KCNH8: variants seen among roughly 807,000 people sequenced by gnomAD.
KCNH8 encodes the protein voltage-gated delayed rectifier potassium channel KCNH8.
Under a neutral mutation model 103.6 loss-of-function variants are expected in KCNH8, and 70 were observed. The observed-to-expected ratio is 0.68, with a 90% CI of 0.56 to 0.82. The LOEUF (loss-of-function observed/expected upper bound fraction) is 0.82, where lower values mean the gene tolerates loss of function less well. Among genes scored for constraint, KCNH8 ranks in the 40% least tolerant of loss-of-function variants. The pLI is 0.00. For missense variants in KCNH8, 1,217 were observed against 1,329.9 expected (o/e 0.92, Z 1.32); for synonymous variants, 498 against 489.4 (o/e 1.02, Z -0.23).
At chr3:19,411,001 C>CT (rs1179521910) in intron 7 of KCNH8, among the ~76,000 whole-genome samples, 2 of 151,916 alleles carry the variant, frequency 1.3e-5, no homozygotes, top group Middle Eastern at 3.2e-3. Flanking sequence ...AAGGGATTCT[C>CT]CCTCACTCAT....
At chr3:19,205,438 A>G (rs1394627462) in intron 1 of KCNH8, among the ~76,000 whole-genome samples, 1 of 152,090 alleles carries the variant, frequency 6.6e-6, no homozygotes, top group Non-Finnish European at 1.5e-5. Context: ...GTCAAACTCT[A>G]CTTAACTATT....
chr3:19,268,426 C>T (rs372981367), intron 2 of KCNH8, among the ~76,000 whole-genome samples: 18 of 151,950 alleles, frequency 1.2e-4, no homozygotes, highest in African/African-American at 3.4e-4. Context: ...ATTTGAGACA[C>T]GGAGAGAAGG....
intron 3 of KCNH8, among the ~76,000 whole-genome samples, chr3:19,327,948 T>G (rs1190327145): frequency 1.3e-5 from 2 of 152,238 alleles, no homozygotes; most frequent in Non-Finnish European, 2.9e-5. Context: ...ATATAGTTTA[T>G]GCCTAGTGAT....
intron 1 of KCNH8, among the ~76,000 whole-genome samples, chr3:19,202,090 G>A (rs1438533086): frequency 6.6e-6 from 1 of 152,144 alleles, no homozygotes; most frequent in Non-Finnish European, 1.5e-5. Flanking sequence ...CGTTGAGTTA[G>A]GAGAGTTGGG....
At chr3:19,353,144 T>G (rs1029340280) in intron 5 of KCNH8, among the ~76,000 whole-genome samples, 1 of 152,128 alleles carries the variant, frequency 6.6e-6, no homozygotes, top group Non-Finnish European at 1.5e-5. Context: ...AAGAAATGGA[T>G]AAATTCCTCG....
chr3:19,237,372 T>G (rs1387139703), intron 1 of KCNH8, among the ~76,000 whole-genome samples: 1 of 152,212 alleles, frequency 6.6e-6, no homozygotes, highest in Non-Finnish European at 1.5e-5. Flanking sequence ...TCAGTCCTCA[T>G]AGAGCCCTTT....
chr3:19,474,148 A>G (rs1276443239), intron 11 of KCNH8, among the ~76,000 whole-genome samples: 1 of 152,180 alleles, frequency 6.6e-6, no homozygotes, highest in African/African-American at 2.4e-5. Flanking sequence ...GATTTAGTGC[A>G]TGGTATGATT....
At chr3:19,172,501 A>C (rs183952862) in intron 1 of KCNH8, among the ~76,000 whole-genome samples, 8 of 152,324 alleles carry the variant, frequency 5.3e-5, no homozygotes. Flanking sequence ...TTGATCACTT[A>C]TATTCAGGAG....
At chr3:19,331,045 C>A (rs553974886) in intron 3 of KCNH8, among the ~76,000 whole-genome samples, 1 of 152,118 alleles carries the variant, frequency 6.6e-6, no homozygotes, top group East Asian at 1.9e-4. Flanking sequence ...TCACTGTAGG[C>A]AGACTATTTC....
At chr3:19,395,627 A>G (rs1665297813) in intron 7 of KCNH8, among the ~76,000 whole-genome samples, 1 of 152,044 alleles carries the variant, frequency 6.6e-6, no homozygotes, top group South Asian at 2.1e-4. Flanking sequence ...ATGCAGGGCT[A>G]GTAATAGTAA....
At chr3:19,184,497 A>G (rs1456037328) in intron 1 of KCNH8, among the ~76,000 whole-genome samples, 1 of 152,022 alleles carries the variant, frequency 6.6e-6, no homozygotes, top group Non-Finnish European at 1.5e-5. Context: ...AAATATAAAG[A>G]AAAACTGAAA....
intron 5 of KCNH8, among the ~76,000 whole-genome samples, chr3:19,384,317 C>T (rs982973706): frequency 3.9e-5 from 6 of 152,128 alleles, no homozygotes; most frequent in African/African-American, 7.2e-5. Context: ...TCTTGGATGC[C>T]TTGTTCATCT....
chr3:19,503,672 T>G (rs146788750), intron 11 of KCNH8, among the ~76,000 whole-genome samples: 20,555 of 149,894 alleles, frequency 0.14, 1,979 homozygotes, highest in East Asian at 0.34. Context: ...GTAAACTATC[T>G]CAAGAACAAA....
At chr3:19,382,079 T>G in intron 5 of KCNH8, among the ~76,000 whole-genome samples, 1 of 152,184 alleles carries the variant, frequency 6.6e-6, no homozygotes, top group East Asian at 1.9e-4. Flanking sequence ...CAATGCATTT[T>G]ACAGTATATA....
chr3:19,452,899 C>T (rs530721250), intron 10 of KCNH8, among the ~76,000 whole-genome samples: 1 of 152,234 alleles, frequency 6.6e-6, no homozygotes, highest in South Asian at 2.1e-4. Flanking sequence ...AAACCCTGCA[C>T]TCATATGTTT....
At chr3:19,516,848 C>T (rs1368599208) in intron 14 of KCNH8, among the ~76,000 whole-genome samples, 1 of 152,022 alleles carries the variant, frequency 6.6e-6, no homozygotes, top group Non-Finnish European at 1.5e-5. Context: ...ACACTGTTTT[C>T]CATGCAAAGG....
At chr3:19,405,345 TATAGAA>T (rs921471033) in intron 7 of KCNH8, among the ~76,000 whole-genome samples, 2 of 151,876 alleles carry the variant, frequency 1.3e-5, no homozygotes, top group African/African-American at 4.8e-5. Flanking sequence ...TAAATTATTT[TATAGAA>T]ATATCAAATA....
chr3:19,294,577 C>T (rs1449871631), intron 3 of KCNH8, among the ~76,000 whole-genome samples: 4 of 152,148 alleles, frequency 2.6e-5, no homozygotes, highest in Admixed American at 6.5e-5. Context: ...CATATAGATG[C>T]TTAAACTGAT....
At chr3:19,294,497 A>C (rs2064970188) in intron 3 of KCNH8, among the ~76,000 whole-genome samples, 1 of 152,206 alleles carries the variant, frequency 6.6e-6, no homozygotes, top group African/African-American at 2.4e-5. Flanking sequence ...CCCAGGAAAT[A>C]GATTTCTGCT....
Sources: allele counts gnomAD v4.1 joint callset (sites outside exome capture counted in the v4.1 genomes callset), GRCh38; gene constraint gnomAD v4.1.1; transcripts MANE v1.5; gene names NCBI Gene and HGNC (gene_info 2026-07-23, HGNC 2026-07-21).